Variants in CRYBG2 observed in about 807,000 individuals in gnomAD.
CRYBG2 encodes the protein beta/gamma crystallin domain-containing protein 2.
Under a neutral mutation model 153.4 loss-of-function variants are expected in CRYBG2, and 106 were observed. That is an observed-to-expected ratio of 0.69 (90% CI 0.59 to 0.81). The LOEUF (loss-of-function observed/expected upper bound fraction) is 0.81. CRYBG2 is among the 30% of genes least tolerant of loss of function. The pLI, the probability that CRYBG2 is intolerant of heterozygous loss-of-function variation, is 0.00. For synonymous variants in CRYBG2, 851 were observed against 877.8 expected, an observed-to-expected ratio of 0.97 and a Z score of 0.54; for missense variants, 1,996 against 2,112.0, an observed-to-expected ratio of 0.95 and a Z score of 1.08.
At position 26,330,226 on chromosome 1, in the gene CRYBG2, T is replaced by C. The variant is rs114820340; in HGVS notation, c.4314+1263A>G. 3.9e-3 allele frequency among the ~76,000 whole-genome samples: 601 copies of C among 152,296 alleles called. 3 individuals are homozygous for C. The highest frequency in any genetic ancestry group is 0.013 in the African/African-American group (529 of 41,548). ...TCTCATTATAACTCTTCAACAACCCTATAAGGTAGAAGCTATTATTATCCC... is the reference window on the plus strand; with the variant it reads ...TCTCATTATAACTCTTCAACAACCCCATAAGGTAGAAGCTATTATTATCCC... On this transcript the variant is annotated intron_variant, in intron 15 of 19. Transcript: ENST00000308182.
At chr1:26,337,230 A>G (rs1570186400) in intron 10 of CRYBG2, 23 bp downstream of exon 10, 1 of 1,613,440 alleles carries the variant, frequency 6.2e-7, no homozygotes, top group Non-Finnish European at 8.5e-7. Context: ...AGGCAGAGGG[A>G]TGGGCCAATT....
chr1:26,352,964 A>G (rs772640923), intron 1 of CRYBG2, among the ~76,000 whole-genome samples: 5 of 151,722 alleles, frequency 3.3e-5, no homozygotes, highest in African/African-American at 2.4e-5. Context: ...TGCTACTACA[A>G]TGCTGCCCAA....
Position 26,345,528 on chromosome 1 carries a change from G to T in CRYBG2, c.1130C>A (p.Thr377Asn). ...GGGAGTGAGCCGGGCCCCGGGGTGA[G>T]TGGGCACCACAGGCTGCTTTGCAGG... ...THPAKQPVVP[T>N]HPGARLTPLV... The change falls in exon 2 of 20, where the codon ACT becomes AAT. Residue 377 changes from threonine (T) to asparagine (N), a missense_variant. Transcript: ENST00000308182. The T allele has an allele frequency of 6.2e-7, 1 of 1,600,166 alleles. No individual in the cohort carries two copies. Among genetic ancestry groups the T allele is most frequent in the Non-Finnish European group, 8.5e-7 (1 of 1,172,150 alleles).
rs769326387 is a variant in CRYBG2, at chr1:26,345,210, C to A, written c.1448G>T (p.Gly483Val). ...GGACGAGGCAGCAGAAGCACTGGACCCCTGCACCACCTCCTTCCGGGTGGG... is the reference window on the plus strand; with the variant it reads ...GGACGAGGCAGCAGAAGCACTGGACACCTGCACCACCTCCTTCCGGGTGGG... Reference protein sequence around the residue: ...SSPTRKEVVQGSSASAASSPT... With the variant: ...SSPTRKEVVQVSSASAASSPT... Residue 483 changes from glycine (G) to valine (V), a missense_variant, in exon 2 of 20, where the codon GGG becomes GTG. Transcript: ENST00000308182. 6.8e-7 allele frequency: 1 copy of A among 1,480,022 alleles called. No homozygotes were observed. Among genetic ancestry groups the A allele is most frequent in the Non-Finnish European group, 9.2e-7 (1 of 1,092,648 alleles). 91.7% of individuals were successfully genotyped at this position (1,480,022 alleles called of 1,614,324 possible).
intron 18 of CRYBG2, among the ~76,000 whole-genome samples, chr1:26,323,507 C>T (rs145195061): frequency 1.8e-4 from 27 of 152,338 alleles, no homozygotes; most frequent in African/African-American, 6.3e-4. Context: ...TTCAGGACGG[C>T]AGGTGTCAAT....
chr1:26,335,566 G>A (rs930688232), intron 14 of CRYBG2, among the ~76,000 whole-genome samples: 5 of 152,232 alleles, frequency 3.3e-5, no homozygotes, highest in Admixed American at 2.6e-4. Context: ...GGAAGGCCGA[G>A]GTGGCGGATA....
At chr1:26,328,568 G>C in intron 16 of CRYBG2, 166 bp downstream of exon 16, 1 of 1,193,686 alleles carries the variant, frequency 8.4e-7, no homozygotes, top group Non-Finnish European at 1.2e-6. Context: ...TAAGCCCTGA[G>C]AGCCAGTGAC....
chr1:26,333,168 T>C (rs533625334), intron 14 of CRYBG2, among the ~76,000 whole-genome samples: 1 of 151,710 alleles, frequency 6.6e-6, no homozygotes, highest in South Asian at 2.1e-4. Flanking sequence ...GCTAAAGCCA[T>C]AACCCTCAAT....
In CRYBG2 at chr1:26,344,001, G is replaced by T. The variant is rs1391790306; in HGVS notation, c.2657C>A (p.Pro886His). 3 of 1,536,370 alleles carry T rather than the reference G, an allele frequency of 2.0e-6. No individual in the cohort carries two copies. Among genetic ancestry groups the T allele is most frequent in the Admixed American group, 2.0e-5 (1 of 51,004 alleles). ...CAGTTCCAATCCCAGCTCTGAGTGG[G>T]GGCCCTTGGTTCCTGCTACATGCTT... Reference protein sequence around the residue: ...MKKHVAGTKGPHSELGLELQG... With the variant: ...MKKHVAGTKGHHSELGLELQG... The change falls in exon 2 of 20, where the codon CCC (proline) becomes CAC (histidine). Residue 886 changes from proline to histidine, a missense_variant. Transcript: ENST00000308182.
Position 26,343,620 on chromosome 1 carries a change from A to T in CRYBG2, c.2913+125T>A, listed in dbSNP as rs913117957. The T allele has an allele frequency of 1.6e-6, 2 of 1,255,252 alleles. No individual in the cohort carries two copies. The highest frequency in any genetic ancestry group is 1.5e-5 in the African/African-American group (1 of 65,852). The allele number at this position is 1,255,252 out of a possible 1,614,324, so 77.8% of individuals were successfully genotyped here. Reference sequence around the variant, plus strand: ...GATGTGGCTTGCACAGGTCAACTGAACCAGACTTCAGACAGAAGCCTCTGC... The same window carrying T: ...GATGTGGCTTGCACAGGTCAACTGATCCAGACTTCAGACAGAAGCCTCTGC... On this transcript the variant is annotated intron_variant, in intron 2 of 19. Coordinates refer to ENST00000308182, the MANE Select transcript of CRYBG2 (RefSeq NM_001039775.4). The surrounding 1 kb of genome is among the most constrained non-coding windows in gnomAD (Gnocchi z 4.1).
chr1:26,342,699 T>C lies in CRYBG2; in HGVS notation c.3204+55A>G, dbSNP rs562743039. 43 of 1,591,180 alleles carry C rather than the reference T, an allele frequency of 2.7e-5. No individual in the cohort carries two copies. In the African/African-American group the frequency reaches 4.7e-4, roughly 17 times the overall value. ...CAGGCGTGAGTCACTGCTCCTGGCCTCGGGGATTTCAACTCTAGGCACTCG... is the reference window on the plus strand; with the variant it reads ...CAGGCGTGAGTCACTGCTCCTGGCCCCGGGGATTTCAACTCTAGGCACTCG... On this transcript the variant is annotated intron_variant, in intron 5 of 19. Transcript: ENST00000308182.
chr1:26,333,048 ATTTC>A (rs2074016967), intron 14 of CRYBG2, among the ~76,000 whole-genome samples: 5 of 128,350 alleles, frequency 3.9e-5, no homozygotes, highest in South Asian at 2.6e-4. Flanking sequence ...AAAAAAAAAG[ATTTC>A]TAACAGCGGG....
Position 26,328,733 on chromosome 1 carries a change from C to T in CRYBG2, c.4454+1G>A, listed in dbSNP as rs2073962742. The stretch of plus-strand genomic sequence containing the variant: ...CACCCATGCCTCCCCTCAGCACTCA[C>T]ATGCCCCCCTTGATCCGCACAGACA... On this transcript the variant is annotated splice_donor_variant, in intron 16 of 19. Coordinates refer to ENST00000308182, the MANE Select transcript of CRYBG2 (RefSeq NM_001039775.4). LOFTEE classifies it high-confidence loss of function. 1.2e-6 allele frequency: 2 copies of T among 1,612,704 alleles called. No individual in the cohort carries two copies. The highest frequency in any genetic ancestry group is 1.7e-6 in the Non-Finnish European group (2 of 1,179,264).
At chr1:26,324,019 G>T in intron 18 of CRYBG2, 133 bp downstream of exon 18, 1 of 922,530 alleles carries the variant, frequency 1.1e-6, no homozygotes, top group Non-Finnish European at 1.6e-6. Context: ...GGAACAGTCT[G>T]CACTCTCCCT....
Position 26,343,647 on chromosome 1 carries a change from C to T in CRYBG2, c.2913+98G>A. 2 of 1,379,222 alleles carry T rather than the reference C, an allele frequency of 1.5e-6. No homozygotes were observed. Among genetic ancestry groups the T allele is most frequent in the Non-Finnish European group, 9.5e-7 (1 of 1,050,172 alleles). 85.4% of individuals were successfully genotyped at this position (1,379,222 alleles called of 1,614,324 possible). A position where few individuals can be genotyped will look rare whatever the true frequency, so the allele number is the denominator to read the frequency against. The stretch of plus-strand genomic sequence containing the variant: ...CAGACTTCAGACAGAAGCCTCTGCC[C>T]CCAGACTCTGACTCCCAGCACCACT... On this transcript the variant is annotated intron_variant, in intron 2 of 19. Coordinates refer to ENST00000308182, the MANE Select transcript of CRYBG2 (RefSeq NM_001039775.4). This position sits in a 1 kb window ranked among gnomAD's most constrained non-coding sequence, Gnocchi z 4.1.
At chr1:26,329,520 C>T (rs992623367) in intron 15 of CRYBG2, among the ~76,000 whole-genome samples, 1 of 150,674 alleles carries the variant, frequency 6.6e-6, no homozygotes, top group African/African-American at 2.4e-5. Context: ...CGCTCTGTTG[C>T]CCAGGCTGGA....
chr1:26,322,039 G>A lies in CRYBG2; in HGVS notation c.4915C>T (p.Arg1639Trp), dbSNP rs140821928. Residue 1639 changes from arginine (R) to tryptophan (W), a missense_variant, in exon 20 of 20, where the codon CGG (arginine) becomes TGG (tryptophan). Coordinates refer to ENST00000308182, the MANE Select transcript of CRYBG2 (RefSeq NM_001039775.4). ...GGCTCCCATAGCACCACGTGGTCCC[G>A]GTCGTAGCCCCGGCCTCCTGGGGGT... Reference protein sequence around the residue: ...LDVKGGRGYDRDHVVLWEPDE... With the variant: ...LDVKGGRGYDWDHVVLWEPDE... 2.0e-3 allele frequency: 3,210 copies of A among 1,606,728 alleles called. 7 individuals are homozygous for A. The highest frequency in any genetic ancestry group is 2.5e-3 in the Non-Finnish European group (2,937 of 1,174,072).
Position 26,323,876 on chromosome 1 carries a change from C to A in CRYBG2, c.4737+276G>T, listed in dbSNP as rs113754810. Among the ~76,000 whole-genome samples, 731 of 152,268 alleles carry A rather than the reference C, an allele frequency of 4.8e-3. 6 individuals are homozygous for A. The highest frequency in any genetic ancestry group is 0.017 in the African/African-American group (693 of 41,538). ...TATAGGCATGAGCCACCATGCCTGG[C>A]CAAATCTACCATTATTAATAGGGTT... On this transcript the variant is annotated intron_variant, in intron 18 of 19. Transcript: ENST00000308182.
chr1:26,329,432 T>G (rs1356759472), intron 15 of CRYBG2, among the ~76,000 whole-genome samples: 1 of 151,686 alleles, frequency 6.6e-6, no homozygotes, highest in East Asian at 1.9e-4. Flanking sequence ...CTCCTTGGCC[T>G]GCCAAAGTGC....
Sources: gnomAD v4.1 joint callset for allele counts (sites outside exome capture counted in the v4.1 genomes callset) on GRCh38, gnomAD v4.1.1 for gene constraint, Gnocchi (gnomAD v3.1) non-coding constraint, MANE v1.5 for transcripts, NCBI Gene and HGNC (gene_info 2026-07-23, HGNC 2026-07-21) for gene names.